BAALC: variants seen among roughly 807,000 people sequenced by gnomAD.
BAALC encodes the protein brain and acute leukemia cytoplasmic protein.
A neutral mutation model predicts 15.5 loss-of-function variants in BAALC; 9 were observed. The observed-to-expected ratio is 0.58, with a 90% confidence interval of 0.35 to 1.02. The LOEUF (loss-of-function observed/expected upper bound fraction) is 1.02, where lower values mean the gene tolerates loss of function less well. Among genes scored for constraint, BAALC ranks in the 50% least tolerant of loss-of-function variants. The pLI, the probability that BAALC is intolerant of heterozygous loss-of-function variation, is 0.02. For missense variants in BAALC, 201 were observed against 192.4 expected (o/e 1.04, Z -0.27); for synonymous variants, 80 against 74.6 (o/e 1.07, Z -0.37).
At chr8:103,226,616 T>C (rs989730055) in intron 2 of BAALC, among the ~76,000 whole-genome samples, 1 of 152,226 alleles carries the variant, frequency 6.6e-6, no homozygotes, top group Non-Finnish European at 1.5e-5. Context: ...TTTTCTCTTT[T>C]AGGGGATGGA....
intron 1 of BAALC, among the ~76,000 whole-genome samples, chr8:103,182,839 C>CA (rs1223554872): frequency 6.6e-6 from 1 of 152,190 alleles, no homozygotes; most frequent in African/African-American, 2.4e-5. Flanking sequence ...GCAAGAAACT[C>CA]AGAGGCAGGG....
At chr8:103,192,442 C>T (rs1326997669) in intron 1 of BAALC, among the ~76,000 whole-genome samples, 3 of 152,228 alleles carry the variant, frequency 2.0e-5, no homozygotes, top group Non-Finnish European at 4.4e-5. Context: ...TAAATTGTTA[C>T]TGAAATCCTT....
chr8:103,140,958 C>G lies in BAALC; in HGVS notation c.61C>G (p.Arg21Gly), dbSNP rs911094850. The G allele has an allele frequency of 7.0e-5, 108 of 1,541,494 alleles. 1 individual carries two copies. The highest frequency in any genetic ancestry group is 9.0e-5 in the Non-Finnish European group (103 of 1,145,094). ...GCCCCGCTACTACGAGAGCTGGACC[C>G]GGGAGACAGAATCCACCTGGCTCAC... ...IEPRYYESWT[R>G]ETESTWLTYT... The change falls in exon 1 of 3, where the codon CGG becomes GGG. Residue 21 changes from arginine to glycine, a missense_variant. By Grantham distance (125) the Arg-to-Gly change is moderately radical. Transcript: ENST00000309982. This position sits in a 1 kb window ranked among gnomAD's most constrained non-coding sequence, Gnocchi z 4.2.
At position 103,224,310 on chromosome 8, in the gene BAALC, C is replaced by G. The variant is rs1366430468; in HGVS notation, c.328-3679C>G. ...CCCGAGAACATGTGCCCAAGGTGAG[C>G]GGGGCACAGCGCTTGGTTTTATATA... On this transcript the variant is annotated intron_variant, in intron 2 of 2. Coordinates refer to ENST00000309982, the MANE Select transcript of BAALC (RefSeq NM_024812.3). Among the ~76,000 whole-genome samples the G allele has an allele frequency of 4.0e-5, 6 of 150,708 alleles. No individual in the cohort carries two copies. In the Admixed American group the frequency reaches 4.0e-4, roughly 10 times the overall value.
intron 1 of BAALC, among the ~76,000 whole-genome samples, chr8:103,190,631 C>T (rs182968181): frequency 6.6e-6 from 1 of 152,312 alleles, no homozygotes; most frequent in Admixed American, 6.5e-5. Flanking sequence ...AGATTACTTT[C>T]CAATAACTTA....
At chr8:103,184,820 A>T (rs1317148527) in intron 1 of BAALC, among the ~76,000 whole-genome samples, 1 of 152,250 alleles carries the variant, frequency 6.6e-6, no homozygotes, top group African/African-American at 2.4e-5. Context: ...TCAGCTGCTA[A>T]CGACCAGGAT....
intron 1 of BAALC, among the ~76,000 whole-genome samples, chr8:103,209,064 G>T (rs1563654437): frequency 6.6e-6 from 1 of 152,204 alleles, no homozygotes; most frequent in East Asian, 1.9e-4. Context: ...AAGTCATGAC[G>T]CACATAGAAA....
intron 1 of BAALC, among the ~76,000 whole-genome samples, chr8:103,174,884 T>C (rs1811574608): frequency 6.6e-6 from 1 of 152,170 alleles, no homozygotes; most frequent in Non-Finnish European, 1.5e-5. Flanking sequence ...AGCAAAGGCC[T>C]CATATTGGAA....
At chr8:103,161,931 T>A (rs1044347954) in intron 1 of BAALC, among the ~76,000 whole-genome samples, 22 of 149,384 alleles carry the variant, frequency 1.5e-4, no homozygotes, top group African/African-American at 5.0e-4. Context: ...TACAATCTGT[T>A]CACATCTCTG....
intron 1 of BAALC, among the ~76,000 whole-genome samples, chr8:103,201,624 T>G (rs1355781908): frequency 6.6e-6 from 1 of 152,236 alleles, no homozygotes; most frequent in Non-Finnish European, 1.5e-5. Context: ...GAATTCAGTC[T>G]TTGTCATCTA....
Position 103,194,636 on chromosome 8 carries a change from G to T in BAALC, c.161-18283G>T, listed in dbSNP as rs1299067973. ...TGTTGTTATAACAAAATATCTGAGG[G>T]TGGGTCATTTATAAATTAAACACAA... On this transcript the variant is annotated intron_variant, in intron 1 of 2. Coordinates refer to ENST00000309982, the MANE Select transcript of BAALC (RefSeq NM_024812.3). 3.9e-5 allele frequency among the ~76,000 whole-genome samples: 6 copies of T among 152,156 alleles called. No individual in the cohort carries two copies. The East Asian group carries it at 1.2e-3, about 29-fold the overall frequency.
chr8:103,149,191 G>A (rs1810932818), intron 1 of BAALC, among the ~76,000 whole-genome samples: 2 of 151,966 alleles, frequency 1.3e-5, no homozygotes, highest in South Asian at 4.2e-4. Context: ...CATCTGCCTT[G>A]GGCTTTTCTG....
chr8:103,162,660 T>C (rs1047691733), intron 1 of BAALC, among the ~76,000 whole-genome samples: 3 of 152,186 alleles, frequency 2.0e-5, no homozygotes, highest in Non-Finnish European at 4.4e-5. Context: ...CTATTGGTTA[T>C]AAATGAGTCA....
intron 2 of BAALC, among the ~76,000 whole-genome samples, chr8:103,225,445 T>C (rs1272359632): frequency 1.3e-5 from 2 of 152,144 alleles, no homozygotes; most frequent in African/African-American, 4.8e-5. Flanking sequence ...GATAAGGATG[T>C]AAGTAATTGA....
chr8:103,223,031 G>A (rs758460429), intron 2 of BAALC, among the ~76,000 whole-genome samples: 15 of 152,266 alleles, frequency 9.9e-5, no homozygotes, highest in Admixed American at 7.8e-4. Flanking sequence ...TTGGCGGGCC[G>A]GGCGTGGTGG....
chr8:103,181,738 A>T (rs965119866), intron 1 of BAALC, among the ~76,000 whole-genome samples: 6 of 152,208 alleles, frequency 3.9e-5, no homozygotes, highest in Non-Finnish European at 8.8e-5. Flanking sequence ...GGTTAATAGT[A>T]GCTGATATTA....
At chr8:103,226,856 T>G (rs1376035557) in intron 2 of BAALC, among the ~76,000 whole-genome samples, 2 of 152,148 alleles carry the variant, frequency 1.3e-5, no homozygotes, top group Non-Finnish European at 2.9e-5. Flanking sequence ...ATGAGAGAGA[T>G]AATATTATTA....
chr8:103,212,453 A>C (rs1161672185), intron 1 of BAALC, among the ~76,000 whole-genome samples: 1 of 152,188 alleles, frequency 6.6e-6, no homozygotes, highest in East Asian at 1.9e-4. Context: ...CTCTCTAAAA[A>C]ACAAAACAAA....
intron 2 of BAALC, among the ~76,000 whole-genome samples, chr8:103,220,200 G>A (rs940235106): frequency 2.0e-5 from 3 of 152,148 alleles, no homozygotes; most frequent in African/African-American, 7.2e-5. Context: ...TGAAACCTGG[G>A]GCCACCATCT....
Sources: allele counts gnomAD v4.1 joint callset (sites outside exome capture counted in the v4.1 genomes callset), GRCh38; gene constraint gnomAD v4.1.1; non-coding constraint Gnocchi (gnomAD v3.1); transcripts MANE v1.5; gene names NCBI Gene and HGNC (gene_info 2026-07-23, HGNC 2026-07-21).